CHORDC1: variants seen among roughly 807,000 people sequenced by gnomAD.
The protein encoded by CHORDC1 is cysteine and histidine-rich domain-containing protein 1.
CHORDC1 carries 25 observed loss-of-function variants against 48.3 expected under a neutral mutation model. That is an observed-to-expected ratio of 0.52 (90% CI 0.38 to 0.72). The LOEUF is 0.72. Among genes scored for constraint, CHORDC1 ranks in the 30% least tolerant of loss-of-function variants. CHORDC1 has a pLI of 0.00. For synonymous variants in CHORDC1, 128 were observed against 126.4 expected, an observed-to-expected ratio of 1.01 and a Z score of -0.09; for missense variants, 317 against 388.7, an observed-to-expected ratio of 0.82 and a Z score of 1.55.
intron 1 of CHORDC1, among the ~76,000 whole-genome samples, chr11:90,221,242 C>T (rs1858164045): frequency 6.6e-6 from 1 of 152,190 alleles, no homozygotes; most frequent in African/African-American, 2.4e-5. Context: ...AAAAAACCTC[C>T]TAACCAACCT....
intron 1 of CHORDC1, among the ~76,000 whole-genome samples, chr11:90,221,812 T>C (rs564014646): frequency 6.6e-6 from 1 of 152,336 alleles, no homozygotes; most frequent in East Asian, 1.9e-4. Context: ...CGCTATCAAT[T>C]TACCTGTGTG....
chr11:90,204,403 A>G (rs1290007684), intron 8 of CHORDC1, among the ~76,000 whole-genome samples: 1 of 151,606 alleles, frequency 6.6e-6, no homozygotes, highest in African/African-American at 2.4e-5. Flanking sequence ...GGGTATTTTT[A>G]TAATATCCAA....
At chr11:90,220,030 A>G (rs910727616) in intron 1 of CHORDC1, among the ~76,000 whole-genome samples, 2 of 152,220 alleles carry the variant, frequency 1.3e-5, no homozygotes, top group Admixed American at 1.3e-4. Context: ...TTAAAACATT[A>G]TGAATTTTGT....
intron 8 of CHORDC1, 58 bp downstream of exon 8, chr11:90,205,402 T>C (rs1487924824): frequency 2.8e-6 from 3 of 1,067,390 alleles, no homozygotes; most frequent in Admixed American, 4.4e-5. Flanking sequence ...TTCAAATCTT[T>C]AAAAAATGAC....
intron 2 of CHORDC1, among the ~76,000 whole-genome samples, chr11:90,216,128 C>T (rs1427384968): frequency 2.0e-5 from 3 of 152,094 alleles, no homozygotes; most frequent in African/African-American, 7.2e-5. Context: ...TCAATTACTA[C>T]AACCTTAAAT....
intron 6 of CHORDC1, chr11:90,206,961 T>C: frequency 2.8e-6 from 1 of 351,168 alleles, no homozygotes; most frequent in Non-Finnish European, 5.5e-6. Flanking sequence ...ATTAGATGTG[T>C]ATTTCTCCTT....
intron 1 of CHORDC1, among the ~76,000 whole-genome samples, chr11:90,219,419 A>G (rs534111065): frequency 6.6e-6 from 1 of 152,316 alleles, no homozygotes; most frequent in East Asian, 1.9e-4. Flanking sequence ...CAGGCCCCCA[A>G]ATCTGGCCAT....
At chr11:90,218,898 G>A (rs1411249048) in intron 1 of CHORDC1, among the ~76,000 whole-genome samples, 1 of 151,548 alleles carries the variant, frequency 6.6e-6, no homozygotes, top group Non-Finnish European at 1.5e-5. Context: ...ACAGCCTTGT[G>A]TGTGATCTTT....
At chr11:90,204,025 T>G (rs1857606480) in intron 8 of CHORDC1, among the ~76,000 whole-genome samples, 1 of 152,132 alleles carries the variant, frequency 6.6e-6, no homozygotes, top group Non-Finnish European at 1.5e-5. Flanking sequence ...TAGAGGCAAA[T>G]GATGATTTGT....
rs749350631 is a variant in CHORDC1 at position 90,202,845 on chromosome 11, T to C, written c.820A>G (p.Lys274Glu). 1.2e-6 allele frequency: 2 copies of C among 1,601,854 alleles called. No homozygotes were observed. The highest frequency in any genetic ancestry group is 1.1e-5 in the South Asian group (1 of 88,584). Residue 274 changes from lysine to glutamate, a missense_variant, in exon 10 of 11, where the codon AAG becomes GAG. Physicochemically the swap from Lys to Glu is moderately conservative, Grantham distance 56. Coordinates refer to ENST00000320585, the MANE Select transcript of CHORDC1 (RefSeq NM_012124.3). Reference protein sequence around the residue: ...LNVHIVFEGEKEFDQNVKLWG... With the variant: ...LNVHIVFEGEEEFDQNVKLWG... ...AATTTCACATTTTGATCAAATTCCT[T>C]CTCTCCTTCAAATACAATATGCACA...
Position 90,218,147 on chromosome 11 carries a change from G to C in CHORDC1, c.102C>G (p.His34Gln), listed in dbSNP as rs146907011. The C allele has an allele frequency of 3.9e-5, 61 of 1,573,784 alleles. No individual in the cohort carries two copies. Among genetic ancestry groups the C allele is most frequent in the Non-Finnish European group, 5.0e-5 (58 of 1,165,974 alleles). ...CTYHPGVPVF[H>Q]DALKGWSCCK... ...ATATAGTTCCTACCTTTAATGCATC[G>C]TGAAAGACCGGAACACCTGGGTGGT... Residue 34 changes from histidine (H) to glutamine (Q), a missense_variant, in exon 2 of 11, where the codon CAC becomes CAG. Coordinates refer to ENST00000320585, the MANE Select transcript of CHORDC1 (RefSeq NM_012124.3).
intron 6 of CHORDC1, chr11:90,206,730 GT>G: frequency 8.1e-7 from 1 of 1,240,522 alleles, no homozygotes; most frequent in Non-Finnish European, 1.1e-6. Context: ...CCTATAAAGG[GT>G]AAAATGAGCT....
chr11:90,214,886 A>C (rs1187623028), intron 3 of CHORDC1, among the ~76,000 whole-genome samples: 1 of 152,068 alleles, frequency 6.6e-6, no homozygotes, highest in East Asian at 1.9e-4. Flanking sequence ...CTAACTGAAA[A>C]GGCTTTAAAT....
At chr11:90,210,688 C>T in intron 5 of CHORDC1, 94 bp from the exon 6 acceptor site, 2 of 736,298 alleles carry the variant, frequency 2.7e-6, no homozygotes, top group Non-Finnish European at 4.5e-6. Flanking sequence ...GAAAACAATA[C>T]TTTTTAGAAA....
chr11:90,208,324 G>A (rs1857763233), intron 6 of CHORDC1: 1 of 152,154 alleles, frequency 6.6e-6, no homozygotes, highest in South Asian at 2.1e-4. Flanking sequence ...CAGCTACTCA[G>A]GAGGCTGAAA....
chr11:90,205,333 A>T, intron 8 of CHORDC1, 127 bp downstream of exon 8: 1 of 665,994 alleles, frequency 1.5e-6, no homozygotes, highest in East Asian at 2.9e-5. Flanking sequence ...TCGTAGTCAC[A>T]TCAAAGCTCT....
intron 6 of CHORDC1, 60 bp from the exon 7 acceptor site, chr11:90,206,332 A>G (rs1857686034): frequency 1.1e-6 from 1 of 926,664 alleles, no homozygotes; most frequent in Non-Finnish European, 1.8e-6. Flanking sequence ...CATCTCATAC[A>G]TATTTGCAGT....
intron 6 of CHORDC1, chr11:90,207,552 A>T (rs966768184): frequency 6.6e-6 from 1 of 152,132 alleles, no homozygotes; most frequent in African/African-American, 2.4e-5. Context: ...GAAAAAGCAT[A>T]GAATTTCTGA....
In CHORDC1 at chr11:90,203,182, T is replaced by C. The variant is rs575722787; in HGVS notation, c.789+126A>G. ...TTCATAGAAGTAATTTAATTTTTTT[T>C]AATGGGAGTCATTATAAAATCTTAC... On this transcript the variant is annotated intron_variant, in intron 9 of 10. Transcript: ENST00000320585. 3.5e-4 allele frequency: 322 copies of C among 932,046 alleles called. 2 individuals are homozygous for C. The African/African-American group carries it at 4.8e-3, about 14-fold the overall frequency. The allele number at this position is 932,046 out of a possible 1,614,324, so 57.7% of individuals were successfully genotyped here.
Sources: allele counts gnomAD v4.1 joint callset (sites outside exome capture counted in the v4.1 genomes callset), GRCh38; gene constraint gnomAD v4.1.1; transcripts MANE v1.5; gene names NCBI Gene and HGNC (gene_info 2026-07-23, HGNC 2026-07-21).